SCARB1: variants seen among roughly 807,000 people sequenced by gnomAD.
SCARB1 encodes the protein CD36 and LIMPII analogous 1.
Under a neutral mutation model 57.2 loss-of-function variants are expected in SCARB1, and 30 were observed. The ratio of observed to expected loss-of-function variants is 0.52; its 90% CI spans 0.39 to 0.71. SCARB1 has a LOEUF of 0.71. Ranked by LOEUF, SCARB1 falls within the 30% of genes least tolerant of loss-of-function variation. SCARB1 has a pLI of 0.00. For synonymous variants in SCARB1, 249 were observed against 268.3 expected (o/e 0.93, Z 0.70); for missense variants, 543 against 671.2 (o/e 0.81, Z 2.11).
intron 8 of SCARB1, among the ~76,000 whole-genome samples, chr12:124,798,312 G>A (rs1421426639): frequency 5.9e-5 from 9 of 152,114 alleles, no homozygotes; most frequent in Admixed American, 3.9e-4. Context: ...TCTGGAGGCC[G>A]AGGCAGGAGA....
At chr12:124,785,849 G>A in intron 11 of SCARB1, 1 of 535,452 alleles carries the variant, frequency 1.9e-6, no homozygotes, top group Non-Finnish European at 3.3e-6. Flanking sequence ...CCTCACACGT[G>A]GCTCACGCTG....
chr12:124,845,263 C>A lies in SCARB1; in HGVS notation c.126+18332G>T, dbSNP rs1167069577. ...GCGCGGAAAAACAGCATGCAGTGCA[C>A]CCGCACCGTGGAGGCCTGCTCAGCT... is the stretch of plus-strand genomic sequence containing the variant. On this transcript the variant is annotated intron_variant, in intron 1 of 12. Transcript: ENST00000261693. Among the ~76,000 whole-genome samples the A allele has an allele frequency of 3.3e-5, 5 of 152,200 alleles. No individual in the cohort carries two copies. The East Asian group carries it at 9.6e-4, about 29-fold the overall frequency.
At chr12:124,828,746 C>T (rs887225359) in intron 1 of SCARB1, among the ~76,000 whole-genome samples, 15 of 152,214 alleles carry the variant, frequency 9.9e-5, no homozygotes, top group African/African-American at 2.9e-4. Context: ...GCTCCTTGCA[C>T]GGGAGCTTCA....
intron 5 of SCARB1, 45 bp downstream of exon 5, chr12:124,811,825 C>T (rs1479069898): frequency 7.0e-7 from 1 of 1,419,500 alleles, no homozygotes; most frequent in Non-Finnish European, 9.8e-7. Flanking sequence ...CGGGCCCACC[C>T]TCCCCTCTCC....
In SCARB1 at chr12:124,833,854, T is replaced by A. The variant is rs564163477; in HGVS notation, c.127-16147A>T. On this transcript the variant is annotated intron_variant, in intron 1 of 12. Transcript: ENST00000261693. The stretch of plus-strand genomic sequence containing the variant: ...TTTTGAACCCTGCTGTGTTTTGGCC[T>A]GAGCTGTCCTAAGAGAAACCCGGGC... 2.0e-5 allele frequency among the ~76,000 whole-genome samples: 3 copies of A among 152,374 alleles called. No individual in the cohort carries two copies. The East Asian group carries it at 5.8e-4, about 29-fold the overall frequency.
intron 1 of SCARB1, among the ~76,000 whole-genome samples, chr12:124,818,043 G>A (rs1484523920): frequency 4.6e-5 from 7 of 152,178 alleles, no homozygotes; most frequent in African/African-American, 1.7e-4. Flanking sequence ...CTCAGGGCAG[G>A]GATAGCCTCA....
intron 8 of SCARB1, among the ~76,000 whole-genome samples, chr12:124,797,739 C>G (rs1949991974): frequency 6.6e-6 from 1 of 152,148 alleles, no homozygotes; most frequent in South Asian, 2.1e-4. Context: ...GAGGAATTAA[C>G]TAAAAGAGGG....
At chr12:124,847,238 C>T (rs1952201322) in intron 1 of SCARB1, among the ~76,000 whole-genome samples, 1 of 152,196 alleles carries the variant, frequency 6.6e-6, no homozygotes, top group Admixed American at 6.5e-5. Context: ...GTCCAGGAGC[C>T]TGGGAACAGA....
chr12:124,781,434 C>A (rs1432030718), intron 12 of SCARB1, among the ~76,000 whole-genome samples: 1 of 152,158 alleles, frequency 6.6e-6, no homozygotes, highest in Non-Finnish European at 1.5e-5. Flanking sequence ...CACGGTAGAG[C>A]GACTCATCCC....
chr12:124,837,510 A>AG (rs1566231409), intron 1 of SCARB1, among the ~76,000 whole-genome samples: 1 of 119,798 alleles, frequency 8.3e-6, no homozygotes, highest in African/African-American at 3.7e-5. Context: ...GAAGGGAGAA[A>AG]AAAGAAAAGA....
intron 7 of SCARB1, among the ~76,000 whole-genome samples, chr12:124,803,968 G>A (rs908312024): frequency 4.6e-5 from 7 of 152,230 alleles, no homozygotes; most frequent in East Asian, 3.8e-4. Context: ...TTTGGCAGAT[G>A]TGCTAAGAGA....
intron 1 of SCARB1, among the ~76,000 whole-genome samples, chr12:124,833,277 A>C (rs1392034321): frequency 6.6e-6 from 1 of 150,590 alleles, no homozygotes; most frequent in African/African-American, 2.4e-5. Context: ...GCAGCCTCGA[A>C]CTCCCGGGCT....
At chr12:124,815,264 G>A (rs977609293) in intron 2 of SCARB1, 150 bp from the exon 3 acceptor site, 23 of 900,484 alleles carry the variant, frequency 2.6e-5, no homozygotes, top group Middle Eastern at 5.3e-4. Context: ...CGGCCCCTTC[G>A]CCAAGTCTGT....
At chr12:124,782,645 AG>A (rs1449859570) in intron 12 of SCARB1, 37 bp downstream of exon 12, 4 of 1,605,522 alleles carry the variant, frequency 2.5e-6, no homozygotes, top group Admixed American at 1.7e-5. Context: ...TTGATATGGG[AG>A]GGGGCGGGGA....
chr12:124,802,098 CAAG>C (rs1950152409), intron 7 of SCARB1, among the ~76,000 whole-genome samples: 1 of 141,554 alleles, frequency 7.1e-6, no homozygotes, highest in South Asian at 2.2e-4. Flanking sequence ...TGTGGTGAGC[CAAG>C]ATTGCACCAT....
rs181308684 is a variant in SCARB1, at chr12:124,789,734, G to A, written c.1203-2277C>T. Reference sequence around the variant, plus strand: ...AAATTAATTTTTAAAAAGAGGGGCTGGGGCGTGGTGGCTCACGCCTGTAAT... The same window carrying A: ...AAATTAATTTTTAAAAAGAGGGGCTAGGGCGTGGTGGCTCACGCCTGTAAT... On this transcript the variant is annotated intron_variant, in intron 9 of 12. Coordinates refer to ENST00000261693, the MANE Select transcript of SCARB1 (RefSeq NM_005505.5). This position sits in a 1 kb window ranked among gnomAD's most constrained non-coding sequence, Gnocchi z 4.4. Among the ~76,000 whole-genome samples, 217 of 152,358 alleles carry A rather than the reference G, an allele frequency of 1.4e-3. 2 individuals are homozygous for A. Among genetic ancestry groups the A allele is most frequent in the African/African-American group, 5.1e-3 (211 of 41,592 alleles).
At chr12:124,857,325 G>A (rs184899718) in intron 1 of SCARB1, among the ~76,000 whole-genome samples, 14 of 152,294 alleles carry the variant, frequency 9.2e-5, no homozygotes, top group Non-Finnish European at 1.8e-4. Context: ...AACAGTATCC[G>A]GCCACAACGA....
chr12:124,787,831 T>C (rs1406030672), intron 9 of SCARB1, among the ~76,000 whole-genome samples: 1 of 152,140 alleles, frequency 6.6e-6, no homozygotes, highest in Non-Finnish European at 1.5e-5. Flanking sequence ...TTCTGCAATC[T>C]CAGTCATCCC....
intron 1 of SCARB1, among the ~76,000 whole-genome samples, chr12:124,819,244 C>A (rs954069051): frequency 6.6e-6 from 1 of 152,104 alleles, no homozygotes; most frequent in Non-Finnish European, 1.5e-5. Flanking sequence ...GAAGGTGAGG[C>A]GCAGGGGACA....
Sources: allele counts gnomAD v4.1 joint callset (sites outside exome capture counted in the v4.1 genomes callset), GRCh38; gene constraint gnomAD v4.1.1; non-coding constraint Gnocchi (gnomAD v3.1); transcripts MANE v1.5; gene names NCBI Gene and HGNC (gene_info 2026-07-23, HGNC 2026-07-21).